DMD: variants seen among roughly 807,000 people sequenced by gnomAD.
DMD encodes the protein mutant dystrophin.
DMD carries 63 observed loss-of-function variants against 330.1 expected under a neutral mutation model. The observed-to-expected ratio is 0.19, with a 90% CI of 0.16 to 0.24. The LOEUF (loss-of-function observed/expected upper bound fraction) is 0.24. DMD is among the 10% of genes least tolerant of loss of function. The pLI, the probability that DMD is intolerant of heterozygous loss-of-function variation, is 1.00. For synonymous variants in DMD, 1,223 were observed against 959.8 expected, an observed-to-expected ratio of 1.27 and a Z score of -5.07; for missense variants, 3,344 against 2,684.1, an observed-to-expected ratio of 1.25 and a Z score of -5.43.
chrX:32,026,037 G>T (rs751639339), intron 44 of DMD, among the ~76,000 whole-genome samples: 47 of 112,123 alleles, frequency 4.2e-4, no homozygotes, highest in Non-Finnish European at 6.6e-4. Flanking sequence ...AAAGCAAAAT[G>T]TCACAGTTAA....
intron 48 of DMD, among the ~76,000 whole-genome samples, chrX:31,846,792 T>C (rs1226399293): frequency 1.8e-5 from 2 of 111,794 alleles, no homozygotes; most frequent in South Asian, 3.7e-4. Context: ...GAAGAATAGA[T>C]ACCACTACTC....
chrX:31,340,916 G>A (rs1459349521), intron 61 of DMD, among the ~76,000 whole-genome samples: 1 of 111,983 alleles, frequency 8.9e-6, no homozygotes, highest in Non-Finnish European at 1.9e-5. Flanking sequence ...AGAGATTAAG[G>A]TCTATCTTTT....
chrX:32,443,905 G>T (rs930814108), intron 27 of DMD, among the ~76,000 whole-genome samples: 1 of 111,315 alleles, frequency 9.0e-6, no homozygotes, highest in Middle Eastern at 4.6e-3. Context: ...TCCTGCTTCA[G>T]TTATACCAAA....
At chrX:31,965,708 C>T (rs769382589) in intron 45 of DMD, among the ~76,000 whole-genome samples, 83 of 111,725 alleles carry the variant, frequency 7.4e-4, no homozygotes, top group African/African-American at 2.6e-3. Context: ...ATTTGCACCT[C>T]CTTCGTGTAC....
intron 1 of DMD, among the ~76,000 whole-genome samples, chrX:33,152,093 A>G (rs1053774472): frequency 5.4e-5 from 6 of 111,001 alleles, no homozygotes; most frequent in Non-Finnish European, 7.5e-5. Context: ...ATATTTTGGT[A>G]TTTTTAAGTA....
rs151244580 is a variant in DMD, at chrX:32,349,013, A to T, written c.5326-485T>A. ...ATGTTTTAAATGACATTTTTAGCACAGCACAATTGACAGGCATGCTCTTCT... is the reference window on the plus strand; with the variant it reads ...ATGTTTTAAATGACATTTTTAGCACTGCACAATTGACAGGCATGCTCTTCT... On this transcript the variant is annotated intron_variant, in intron 37 of 78. Transcript: ENST00000357033. Among the ~76,000 whole-genome samples, 1,957 of 111,663 alleles carry T rather than the reference A, an allele frequency of 0.018. 46 individuals carry two copies. Among genetic ancestry groups the T allele is most frequent in the African/African-American group, 0.06 (1,851 of 30,855 alleles).
rs145413895 is a variant in DMD at position 31,975,191 on chromosome X, G to A, written c.6439-6677C>T. 6.5e-3 allele frequency among the ~76,000 whole-genome samples: 723 copies of A among 111,398 alleles called. 3 individuals carry two copies. Among genetic ancestry groups the A allele is most frequent in the South Asian group, 0.018 (47 of 2,683 alleles). The stretch of plus-strand genomic sequence containing the variant: ...AATCTGGTCCCAGACATGTTTTGGC[G>A]TTAGAACTTTGTTTGATTAATGATT... On this transcript the variant is annotated intron_variant, in intron 44 of 78. Coordinates refer to ENST00000357033, the MANE Select transcript of DMD (RefSeq NM_004006.3).
intron 9 of DMD, among the ~76,000 whole-genome samples, chrX:32,666,980 T>C (rs1176613606): frequency 3.6e-5 from 4 of 111,488 alleles, no homozygotes; most frequent in Non-Finnish European, 7.5e-5. Flanking sequence ...TCTATGCTCA[T>C]TGAAGCATTG....
chrX:31,992,228 G>A (rs914422343), intron 44 of DMD, among the ~76,000 whole-genome samples: 3 of 111,802 alleles, frequency 2.7e-5, no homozygotes, highest in Non-Finnish European at 3.8e-5. Context: ...GATTTATGTT[G>A]GAATGACTTA....
chrX:32,628,830 A>C (rs1019335649), intron 11 of DMD, among the ~76,000 whole-genome samples: 3 of 111,879 alleles, frequency 2.7e-5, no homozygotes, highest in South Asian at 3.7e-4. Context: ...ATAGTTTCCA[A>C]AATTCTTCCT....
intron 23 of DMD, among the ~76,000 whole-genome samples, chrX:32,465,905 T>A (rs1193208332): frequency 9.0e-6 from 1 of 111,191 alleles, no homozygotes; most frequent in African/African-American, 3.3e-5. Flanking sequence ...CATTAGTGAC[T>A]CCATTAATGC....
At chrX:32,902,158 A>ACACACAC (rs2086311170) in intron 2 of DMD, among the ~76,000 whole-genome samples, 5 of 86,632 alleles carry the variant, frequency 5.8e-5, no homozygotes, top group Admixed American at 2.6e-4. Flanking sequence ...CACACACACA[A>ACACACAC]ACACACACAC....
At chrX:31,326,703 T>C (rs1012508799) in intron 61 of DMD, among the ~76,000 whole-genome samples, 1 of 110,947 alleles carries the variant, frequency 9.0e-6, no homozygotes, top group African/African-American at 3.3e-5. Flanking sequence ...TAACACACAA[T>C]TGGATGATAG....
chrX:32,087,339 G>A (rs1473807507), intron 44 of DMD, among the ~76,000 whole-genome samples: 2 of 111,603 alleles, frequency 1.8e-5, no homozygotes, highest in African/African-American at 3.3e-5. Context: ...GTACATGTGG[G>A]AAAATGCTAC....
intron 64 of DMD, among the ~76,000 whole-genome samples, chrX:31,222,038 AAAAC>A (rs1409811470): frequency 9.0e-6 from 1 of 110,857 alleles, no homozygotes; most frequent in East Asian, 2.8e-4. Context: ...TAAAATTACA[AAAAC>A]AAAATTAGCC....
chrX:32,026,603 A>G (rs1343530859), intron 44 of DMD, among the ~76,000 whole-genome samples: 1 of 112,663 alleles, frequency 8.9e-6, no homozygotes, highest in Non-Finnish European at 1.9e-5. Context: ...ACACTTTTCA[A>G]TTGTAGAGAC....
chrX:32,990,550 G>A (rs2147298371), intron 2 of DMD, among the ~76,000 whole-genome samples: 1 of 111,966 alleles, frequency 8.9e-6, no homozygotes, highest in African/African-American at 3.2e-5. Flanking sequence ...TTATTGAGTT[G>A]CTTTAGAACT....
At chrX:33,280,632 G>C (rs1358151594) in intron 1 of DMD, among the ~76,000 whole-genome samples, 1 of 111,491 alleles carries the variant, frequency 9.0e-6, no homozygotes, top group Non-Finnish European at 1.9e-5. Flanking sequence ...TTGTGGTGAT[G>C]GTTTCACAGG....
intron 49 of DMD, among the ~76,000 whole-genome samples, chrX:31,832,791 T>C (rs1205970210): frequency 8.9e-6 from 1 of 112,339 alleles, no homozygotes. Flanking sequence ...CCATTAATGC[T>C]CTCAGTTCTA....
Sources: gnomAD v4.1 joint callset for allele counts (sites outside exome capture counted in the v4.1 genomes callset) on GRCh38, gnomAD v4.1.1 for gene constraint, MANE v1.5 for transcripts, NCBI Gene and HGNC (gene_info 2026-07-23, HGNC 2026-07-21) for gene names.